The following ERICH1 variants were observed in gnomAD, a reference collection of about 807,000 sequenced individuals.
The protein encoded by ERICH1 is glutamate-rich protein 1.
Under a neutral mutation model 39.6 loss-of-function variants are expected in ERICH1, and 56 were observed. The observed-to-expected ratio is 1.41, with a 90% CI of 1.14 to 1.77. The LOEUF (loss-of-function observed/expected upper bound fraction) is 1.77, where lower values mean the gene tolerates loss of function less well. Ranked by LOEUF, ERICH1 falls within the 40% of genes most tolerant of loss-of-function variation. The pLI, the probability that ERICH1 is intolerant of heterozygous loss-of-function variation, is 0.00. For synonymous variants in ERICH1, 313 were observed against 223.6 expected, an observed-to-expected ratio of 1.40 and a Z score of -3.57; for missense variants, 826 against 575.4, an observed-to-expected ratio of 1.44 and a Z score of -4.45.
downstream of ERICH1, among the ~76,000 whole-genome samples, chr8:663,190 T>A (rs1452097399): frequency 3.3e-5 from 5 of 152,202 alleles, no homozygotes; most frequent in Non-Finnish European, 5.9e-5. Flanking sequence ...AGACGTCTCT[T>A]AGGGACCTGG....
At chr8:647,608 G>A (rs1279857598) in intron 3 of ERICH1, among the ~76,000 whole-genome samples, 1 of 67,662 alleles carries the variant, frequency 1.5e-5, no homozygotes, top group Non-Finnish European at 4.6e-5. Context: ...GGTCTGCTAG[G>A]AGGGGAAAAC....
At chr8:715,198 C>A (rs1356301060) in intron 2 of ERICH1, among the ~76,000 whole-genome samples, 1 of 151,510 alleles carries the variant, frequency 6.6e-6, no homozygotes, top group African/African-American at 2.4e-5. Flanking sequence ...TGTGGTCCAC[C>A]CAGGTGGTCT....
chr8:670,384 T>C (rs1803028495), intron 4 of ERICH1, among the ~76,000 whole-genome samples: 2 of 152,062 alleles, frequency 1.3e-5, no homozygotes, highest in Non-Finnish European at 2.9e-5. Flanking sequence ...GCATGCCCGG[T>C]AAACTGTTGC....
At chr8:674,976 C>T (rs547036176) in intron 3 of ERICH1, among the ~76,000 whole-genome samples, 24 of 152,320 alleles carry the variant, frequency 1.6e-4, no homozygotes, top group African/African-American at 4.6e-4. Context: ...TGTGGTGTTG[C>T]GGAACAGAAG....
At chr8:616,857 A>G in intron 3 of ERICH1, among the ~76,000 whole-genome samples, 1 of 133,980 alleles carries the variant, frequency 7.5e-6, no homozygotes, top group African/African-American at 3.0e-5. Flanking sequence ...AGACAGAAAG[A>G]GACAGAGAGA....
At chr8:627,142 G>A (rs1223103720) in intron 3 of ERICH1, 3 of 456,184 alleles carry the variant, frequency 6.6e-6, no homozygotes, top group Non-Finnish European at 1.3e-5. Flanking sequence ...TGGGAAGACA[G>A]ACAGCAGCAG....
rs1366500692 is a variant in ERICH1 at position 664,622 on chromosome 8, G to A, written c.1313C>T (p.Pro438Leu). The A allele has an allele frequency of 6.2e-7, 1 of 1,612,170 alleles. No homozygotes were observed. The highest frequency in any genetic ancestry group is 1.3e-5 in the African/African-American group (1 of 74,866). The change falls in exon 6 of 6, where the codon CCT (proline) becomes CTT (leucine). Residue 438 changes from proline to leucine, a missense_variant. Transcript: ENST00000262109. ...FFSYWITHIL[P>L]EKSSD ...TCCATTTTAGTCACTGCTCTTCTCA[G>A]GAAGGATATGTGTGATCCAGTAACT...
At chr8:701,770 A>C (rs1219212167) in intron 2 of ERICH1, among the ~76,000 whole-genome samples, 1 of 152,224 alleles carries the variant, frequency 6.6e-6, no homozygotes, top group Non-Finnish European at 1.5e-5. Flanking sequence ...ATCAACTTCT[A>C]AACAATGGAA....
At chr8:646,878 G>A (rs1320645392) in intron 3 of ERICH1, among the ~76,000 whole-genome samples, 1 of 69,572 alleles carries the variant, frequency 1.4e-5, no homozygotes, top group African/African-American at 3.6e-5. Flanking sequence ...GTGCAGAAGT[G>A]TGCTGCCCAC....
chr8:719,765 G>T (rs1779483158), intron 1 of ERICH1, among the ~76,000 whole-genome samples: 2 of 152,162 alleles, frequency 1.3e-5, no homozygotes, highest in African/African-American at 4.8e-5. Context: ...TTACCTTTGT[G>T]CTATTTAATA....
At chr8:621,556 G>A (rs1158677116) in intron 3 of ERICH1, among the ~76,000 whole-genome samples, 1 of 151,526 alleles carries the variant, frequency 6.6e-6, no homozygotes, top group Non-Finnish European at 1.5e-5. Flanking sequence ...ATAGAGAAGA[G>A]CAAACTAAAA....
chr8:615,914 C>A (rs1170319870), intron 3 of ERICH1: 5 of 152,578 alleles, frequency 3.3e-5, no homozygotes, highest in African/African-American at 4.8e-5. Context: ...TCATGCAGCA[C>A]AGAGAACCTA....
At chr8:658,584 G>A (rs570220295) in intron 3 of ERICH1, among the ~76,000 whole-genome samples, 1 of 152,272 alleles carries the variant, frequency 6.6e-6, no homozygotes, top group African/African-American at 2.4e-5. Context: ...CGTCCATGTT[G>A]ATCCTGGCCC....
At chr8:660,044 C>G (rs1047503183), downstream of ERICH1, among the ~76,000 whole-genome samples, 4 of 152,258 alleles carry the variant, frequency 2.6e-5, no homozygotes, top group African/African-American at 7.2e-5. Flanking sequence ...CCAGATACAG[C>G]TGCAGTGGAA....
At chr8:622,207 G>A (rs958624125) in intron 3 of ERICH1, among the ~76,000 whole-genome samples, 27 of 152,228 alleles carry the variant, frequency 1.8e-4, no homozygotes, top group African/African-American at 6.5e-4. Flanking sequence ...GGGTGACAGA[G>A]CAAGATTCTG....
chr8:651,379 C>A (rs1365930479), intron 3 of ERICH1, among the ~76,000 whole-genome samples: 1 of 152,190 alleles, frequency 6.6e-6, no homozygotes, highest in African/African-American at 2.4e-5. Flanking sequence ...AAATATCATC[C>A]CAGGGCTCCT....
At chr8:616,617 G>C (rs1796913334) in intron 3 of ERICH1, 2 of 455,456 alleles carry the variant, frequency 4.4e-6, no homozygotes, top group African/African-American at 4.0e-5. Context: ...GAGTGAGTGG[G>C]GAGAGGGAGG....
In ERICH1 at chr8:724,522, C is replaced by T. The variant is rs1422096937; in HGVS notation, c.22+6618G>A. ...GCTTCCGGAGAGGCCGGCACTGCCC[C>T]GACGGGGGCGGGACCTCAGAGCAGC... is the stretch of plus-strand genomic sequence containing the variant. On this transcript the variant is annotated intron_variant, in intron 1 of 5. Coordinates refer to ENST00000262109, the MANE Select transcript of ERICH1 (RefSeq NM_207332.3). Among the ~76,000 whole-genome samples the T allele has an allele frequency of 3.3e-5, 5 of 152,122 alleles. No individual in the cohort carries two copies. In the East Asian group the frequency reaches 9.7e-4, roughly 29 times the overall value.
intron 2 of ERICH1, among the ~76,000 whole-genome samples, chr8:712,223 A>AT (rs1649065708): frequency 6.6e-6 from 1 of 152,236 alleles, no homozygotes; most frequent in Non-Finnish European, 1.5e-5. Flanking sequence ...TTGAATGTGT[A>AT]TATCAAGTTA....
Sources: allele counts gnomAD v4.1 joint callset (sites outside exome capture counted in the v4.1 genomes callset), GRCh38; gene constraint gnomAD v4.1.1; transcripts MANE v1.5; gene names NCBI Gene and HGNC (gene_info 2026-07-23, HGNC 2026-07-21).